Variants in NR2C2 observed in about 807,000 individuals in gnomAD.
NR2C2 encodes Nuclear hormone receptor TR4.
NR2C2 carries 6 observed loss-of-function variants against 62.9 expected under a neutral mutation model. The observed-to-expected ratio is 0.10, with a 90% CI of 0.05 to 0.19. The LOEUF is 0.19. Among genes scored for constraint, NR2C2 ranks in the 10% least tolerant of loss-of-function variants. The pLI, the probability that NR2C2 is intolerant of heterozygous loss-of-function variation, is 1.00. For missense variants in NR2C2, 479 were observed against 762.7 expected (o/e 0.63, Z 4.38); for synonymous variants, 272 against 273.8 (o/e 0.99, Z 0.07).
At chr3:15,039,025 G>C in intron 12 of NR2C2, 97 bp from the exon 13 acceptor site, 5 of 814,790 alleles carry the variant, frequency 6.1e-6, no homozygotes, top group Non-Finnish European at 1.0e-5. Flanking sequence ...TTGTACTTAA[G>C]AAGTTTGCAG....
intron 2 of NR2C2, among the ~76,000 whole-genome samples, chr3:15,005,373 T>C (rs1574992373): frequency 6.9e-6 from 1 of 145,674 alleles, no homozygotes; most frequent in African/African-American, 2.5e-5. Flanking sequence ...TAATGCTTTT[T>C]TTTTTTTTTT....
Position 15,034,654 on chromosome 3 carries a change from C to G in NR2C2, c.1233-16C>G. ...GCCAACACACACCACACTCAGACTC[C>G]TTTCTATATTCCTAGGCAGGACTGC... On this transcript the variant is annotated splice_polypyrimidine_tract_variant and intron_variant, in intron 10 of 13. Transcript: ENST00000425241. 1 of 1,612,966 alleles carries G rather than the reference C, an allele frequency of 6.2e-7. No individual in the cohort carries two copies. Among genetic ancestry groups the G allele is most frequent in the African/African-American group, 1.3e-5 (1 of 75,000 alleles).
At chr3:15,015,168 G>A (rs1439326819) in intron 3 of NR2C2, among the ~76,000 whole-genome samples, 1 of 152,166 alleles carries the variant, frequency 6.6e-6, no homozygotes, top group Non-Finnish European at 1.5e-5. Context: ...AATGGCTGTT[G>A]ATTTTGTTGC....
chr3:14,950,622 TTTATTC>T (rs1272571961), intron 1 of NR2C2, among the ~76,000 whole-genome samples: 1 of 151,890 alleles, frequency 6.6e-6, no homozygotes, highest in East Asian at 1.9e-4. Context: ...TCAGATTCTT[TTTATTC>T]TTTTCTTTAT....
At chr3:15,029,519 G>T (rs1225561889) in intron 8 of NR2C2, among the ~76,000 whole-genome samples, 1 of 152,118 alleles carries the variant, frequency 6.6e-6, no homozygotes. Flanking sequence ...GTGGAAAGTG[G>T]GTGGGATTTG....
chr3:15,019,016 T>TAAAAAA (rs35022020), intron 4 of NR2C2, among the ~76,000 whole-genome samples: 1 of 76,516 alleles, frequency 1.3e-5, no homozygotes, highest in Non-Finnish European at 2.5e-5. Context: ...ACTCTTGTCT[T>TAAAAAA]AAAAAAAAAA....
rs1242985131 is a variant in NR2C2, at chr3:14,971,468, G to C, written c.-40+23562G>C. On this transcript the variant is annotated intron_variant, in intron 1 of 13. Coordinates refer to ENST00000425241, the MANE Select transcript of NR2C2 (RefSeq NM_001291694.2). ...ATTTTCAACTTACAATGGTTTATCAGGACATAACCTCATCATAAAGAGCAT... is the reference window on the plus strand; with the variant it reads ...ATTTTCAACTTACAATGGTTTATCACGACATAACCTCATCATAAAGAGCAT... Among the ~76,000 whole-genome samples the C allele has an allele frequency of 1.3e-5, 2 of 151,596 alleles. 1 individual carries two copies. The highest frequency in any genetic ancestry group is 4.9e-5 in the African/African-American group (2 of 40,934).
chr3:15,023,914 C>G (rs1424171524), intron 6 of NR2C2, among the ~76,000 whole-genome samples: 2 of 152,182 alleles, frequency 1.3e-5, no homozygotes, highest in African/African-American at 4.8e-5. Flanking sequence ...CTGTCTCAAG[C>G]TGTAAACCTG....
At chr3:15,003,135 A>G (rs1309038436) in intron 1 of NR2C2, among the ~76,000 whole-genome samples, 1 of 144,430 alleles carries the variant, frequency 6.9e-6, no homozygotes, top group African/African-American at 2.6e-5. Context: ...TTTTTAATGT[A>G]GAGATGGAGT....
intron 1 of NR2C2, among the ~76,000 whole-genome samples, chr3:14,980,978 T>C (rs933434351): frequency 6.6e-6 from 1 of 152,190 alleles, no homozygotes; most frequent in Admixed American, 6.5e-5. Context: ...CATTAAGGAA[T>C]TGGGAGCTAT....
chr3:14,998,458 C>T (rs868657769), intron 1 of NR2C2, among the ~76,000 whole-genome samples: 24 of 152,272 alleles, frequency 1.6e-4, no homozygotes, highest in African/African-American at 5.3e-4. Flanking sequence ...TTGTAGCCAT[C>T]CTAGTGGATA....
At chr3:15,019,016 TA>T (rs35022020) in intron 4 of NR2C2, among the ~76,000 whole-genome samples, 4,386 of 76,480 alleles carry the variant, frequency 0.057, 293 homozygotes, top group African/African-American at 0.23. Flanking sequence ...ACTCTTGTCT[TA>T]AAAAAAAAAA....
At chr3:14,955,269 A>G (rs1330438329) in intron 1 of NR2C2, among the ~76,000 whole-genome samples, 2 of 152,230 alleles carry the variant, frequency 1.3e-5, no homozygotes, top group East Asian at 3.8e-4. Flanking sequence ...TTCTAAAAGA[A>G]CTGCCATGGT....
At chr3:14,977,925 A>T (rs2040252863) in intron 1 of NR2C2, among the ~76,000 whole-genome samples, 1 of 148,324 alleles carries the variant, frequency 6.7e-6, no homozygotes, top group South Asian at 2.1e-4. Context: ...CTCCAGCCTG[A>T]GTGACAGAGT....
chr3:14,976,602 C>CTTCTTTTTTTTT (rs2040212806), intron 1 of NR2C2, among the ~76,000 whole-genome samples: 2 of 90,740 alleles, frequency 2.2e-5, no homozygotes, highest in Non-Finnish European at 4.2e-5. Flanking sequence ...TCCTTCCTTC[C>CTTCTTTTTTTTT]TTTTTTTTTT....
chr3:14,971,763 T>C (rs1393848655), intron 1 of NR2C2, among the ~76,000 whole-genome samples: 1 of 151,456 alleles, frequency 6.6e-6, no homozygotes, highest in Non-Finnish European at 1.5e-5. Context: ...TTTTCTTTTT[T>C]TGTTGTTGTT....
At chr3:14,989,924 C>CAAAA (rs34980642) in intron 1 of NR2C2, among the ~76,000 whole-genome samples, 17 of 51,018 alleles carry the variant, frequency 3.3e-4, no homozygotes, top group African/African-American at 4.1e-4. Flanking sequence ...GACTCCATCT[C>CAAAA]AAAAAAAAAA....
intron 1 of NR2C2, among the ~76,000 whole-genome samples, chr3:14,971,267 A>G (rs1335541939): frequency 2.6e-5 from 4 of 151,254 alleles, no homozygotes; most frequent in African/African-American, 9.8e-5. Context: ...ACAGGCACCC[A>G]CCATCATGCC....
At chr3:14,979,422 C>G (rs972260434) in intron 1 of NR2C2, among the ~76,000 whole-genome samples, 1 of 152,188 alleles carries the variant, frequency 6.6e-6, no homozygotes, top group East Asian at 1.9e-4. Context: ...ATATTCTGTT[C>G]GCATGAAGCT....
Sources: gnomAD v4.1 joint callset for allele counts (sites outside exome capture counted in the v4.1 genomes callset) on GRCh38, gnomAD v4.1.1 for gene constraint, MANE v1.5 for transcripts, NCBI Gene and HGNC (gene_info 2026-07-23, HGNC 2026-07-21) for gene names.